Variants in IL1RAPL1 observed in about 807,000 individuals in gnomAD.
IL1RAPL1 encodes interleukin-1 receptor accessory protein-like 1.
A neutral mutation model predicts 48.4 loss-of-function variants in IL1RAPL1; 3 were observed. The observed-to-expected ratio is 0.06, with a 90% CI of 0.03 to 0.16. IL1RAPL1 has a LOEUF of 0.16. IL1RAPL1 is among the 10% of genes least tolerant of loss of function. The pLI is 1.00. For synonymous variants in IL1RAPL1, 185 were observed against 187.7 expected (o/e 0.99, Z 0.12); for missense variants, 349 against 530.6 (o/e 0.66, Z 3.36).
intron 6 of IL1RAPL1, among the ~76,000 whole-genome samples, chrX:29,836,764 T>C (rs1024786453): frequency 1.8e-5 from 2 of 111,358 alleles, no homozygotes; most frequent in African/African-American, 6.5e-5. Context: ...TTCTGCACTA[T>C]TGTTTAAGTT....
chrX:29,911,643 T>C (rs1466074928), intron 6 of IL1RAPL1, among the ~76,000 whole-genome samples: 1 of 112,449 alleles, frequency 8.9e-6, no homozygotes, highest in Non-Finnish European at 1.9e-5. Context: ...ATCAGAACTT[T>C]ACTCACTCAT....
chrX:28,630,866 C>T (rs1466845985), intron 1 of IL1RAPL1, among the ~76,000 whole-genome samples: 1 of 112,001 alleles, frequency 8.9e-6, no homozygotes, highest in East Asian at 2.8e-4. Flanking sequence ...ATGCCTAACT[C>T]ATTGCTAACG....
At chrX:29,252,284 A>G (rs865801612) in intron 2 of IL1RAPL1, among the ~76,000 whole-genome samples, 63 of 8,328 alleles carry the variant, frequency 7.6e-3, no homozygotes, top group African/African-American at 0.011. Context: ...AAGAAAAAAG[A>G]AAAAAAAAAA....
chrX:28,949,232 A>G (rs1924385190), intron 2 of IL1RAPL1, among the ~76,000 whole-genome samples: 1 of 110,905 alleles, frequency 9.0e-6, no homozygotes, highest in African/African-American at 3.3e-5. Flanking sequence ...AATTCTTCAA[A>G]GATAACTGCA....
chrX:29,780,873 T>C (rs1341437893), intron 6 of IL1RAPL1, among the ~76,000 whole-genome samples: 1 of 111,702 alleles, frequency 9.0e-6, no homozygotes, highest in Non-Finnish European at 1.9e-5. Context: ...ACTATGATAA[T>C]TAATTGCTAT....
rs1184407912 is a variant in IL1RAPL1, at chrX:29,418,090, AATAT to A, written c.703+18815_703+18818del. On this transcript the variant is annotated intron_variant, in intron 5 of 10. Coordinates refer to ENST00000378993, the MANE Select transcript of IL1RAPL1 (RefSeq NM_014271.4). ...AGAAACGTGTTCTTTTTAAAAAAGT[AATAT>A]ATATATATATATATATATATATATA... is the stretch of plus-strand genomic sequence containing the variant. Among the ~76,000 whole-genome samples, 253 of 51,035 alleles carry A rather than the reference AATAT, an allele frequency of 5.0e-3. 19 individuals carry two copies. The highest frequency in any genetic ancestry group is 9.8e-3 in the East Asian group (14 of 1,426). The allele number at this position is 51,035 out of a possible 115,157, so 44.3% of individuals were successfully genotyped here. A position where few individuals can be genotyped will look rare whatever the true frequency, so the allele number is the denominator to read the frequency against.
intron 3 of IL1RAPL1, among the ~76,000 whole-genome samples, chrX:29,370,952 A>C (rs1047480948): frequency 9.1e-6 from 1 of 109,432 alleles, no homozygotes; most frequent in African/African-American, 3.3e-5. Flanking sequence ...ATGTGCAATG[A>C]TCAAATCATG....
chrX:29,061,642 G>A (rs745961603), intron 2 of IL1RAPL1, among the ~76,000 whole-genome samples: 58 of 111,493 alleles, frequency 5.2e-4, no homozygotes, highest in Middle Eastern at 4.7e-3. Context: ...TATTTTTAGT[G>A]GAGACAGGGT....
chrX:28,813,640 T>C (rs1601914251), intron 2 of IL1RAPL1, among the ~76,000 whole-genome samples: 1 of 111,258 alleles, frequency 9.0e-6, no homozygotes, highest in South Asian at 3.7e-4. Flanking sequence ...TGTTTAAGTC[T>C]TCAGCTATAA....
rs1012251170 is a variant in IL1RAPL1, at chrX:28,595,978, C to A, written c.-25+7931C>A. ...TTCTCCTACAGGGCCCTTAATAACA[C>A]AGCCACAGAGCAAGCCGCTTATGTC... On this transcript the variant is annotated intron_variant, in intron 1 of 10. Transcript: ENST00000378993. Among the ~76,000 whole-genome samples, 7 of 111,174 alleles carry A rather than the reference C, an allele frequency of 6.3e-5. No individual in the cohort carries two copies. The East Asian group carries it at 2.0e-3, about 32-fold the overall frequency.
At chrX:29,622,902 TTC>T (rs1451908734) in intron 5 of IL1RAPL1, among the ~76,000 whole-genome samples, 1 of 110,895 alleles carries the variant, frequency 9.0e-6, no homozygotes, top group Non-Finnish European at 1.9e-5. Flanking sequence ...CTTTTTTTAG[TTC>T]TGTCATTAGC....
chrX:28,830,141 A>G (rs2147285731), intron 2 of IL1RAPL1, among the ~76,000 whole-genome samples: 1 of 111,693 alleles, frequency 9.0e-6, no homozygotes, highest in Non-Finnish European at 1.9e-5. Flanking sequence ...TCAGAGTAGT[A>G]CTGGCCTCAT....
At chrX:29,517,383 A>G (rs1935457537) in intron 5 of IL1RAPL1, among the ~76,000 whole-genome samples, 1 of 110,378 alleles carries the variant, frequency 9.1e-6, no homozygotes, top group Non-Finnish European at 1.9e-5. Context: ...TAAGGTTTTT[A>G]ATTTCAGCTA....
rs113056821 is a variant in IL1RAPL1 at position 29,029,019 on chromosome X, C to G, written c.82+239594C>G. 6.2e-3 allele frequency among the ~76,000 whole-genome samples: 688 copies of G among 111,498 alleles called. 8 individuals carry two copies. The highest frequency in any genetic ancestry group is 0.022 in the African/African-American group (660 of 30,622). On this transcript the variant is annotated intron_variant, in intron 2 of 10. Coordinates refer to ENST00000378993, the MANE Select transcript of IL1RAPL1 (RefSeq NM_014271.4). ...TGCTGGGAAGGCCTTGGGAAACTTACGATCATGGTGGAAGGCAAAGGGGCA... is the reference window on the plus strand; with the variant it reads ...TGCTGGGAAGGCCTTGGGAAACTTAGGATCATGGTGGAAGGCAAAGGGGCA...
chrX:28,848,355 A>T (rs192908309), intron 2 of IL1RAPL1, among the ~76,000 whole-genome samples: 35 of 111,352 alleles, frequency 3.1e-4, no homozygotes, highest in African/African-American at 7.8e-4. Flanking sequence ...AATGAAATAA[A>T]AATTAAGTCC....
At chrX:29,306,765 G>A (rs1468509396) in intron 3 of IL1RAPL1, among the ~76,000 whole-genome samples, 3 of 101,420 alleles carry the variant, frequency 3.0e-5, no homozygotes, top group Non-Finnish European at 4.0e-5. Flanking sequence ...GGAGGCTGAG[G>A]CAGGAGAATG....
chrX:29,904,319 G>A (rs1421111603), intron 6 of IL1RAPL1, among the ~76,000 whole-genome samples: 2 of 110,327 alleles, frequency 1.8e-5, no homozygotes, highest in African/African-American at 6.6e-5. Context: ...AAGCTAAATA[G>A]CTTGGACTTA....
chrX:29,364,488 G>T lies in IL1RAPL1; in HGVS notation c.363-31770G>T, dbSNP rs756454433. ...TTAGGCAGGAGAGTTGCTTGAACCC[G>T]GGAGGTGGAGGTTGCAGTGAGCCAA... On this transcript the variant is annotated intron_variant, in intron 3 of 10. Coordinates refer to ENST00000378993, the MANE Select transcript of IL1RAPL1 (RefSeq NM_014271.4). Among the ~76,000 whole-genome samples the T allele has an allele frequency of 7.5e-5, 8 of 106,189 alleles. No homozygotes were observed. In the Admixed American group the frequency reaches 8.2e-4, roughly 11 times the overall value. 92.2% of individuals were successfully genotyped at this position (106,189 alleles called of 115,157 possible).
intron 1 of IL1RAPL1, among the ~76,000 whole-genome samples, chrX:28,772,115 C>T (rs1936317050): frequency 9.0e-6 from 1 of 110,745 alleles, no homozygotes; most frequent in African/African-American, 3.3e-5. Flanking sequence ...CGAAACATTT[C>T]ATTGTTGGTA....
Sources: gnomAD v4.1 joint callset for allele counts (sites outside exome capture counted in the v4.1 genomes callset) on GRCh38, gnomAD v4.1.1 for gene constraint, MANE v1.5 for transcripts, NCBI Gene and HGNC (gene_info 2026-07-23, HGNC 2026-07-21) for gene names.